The following TSPAN11 variants were observed in gnomAD, a reference collection of about 807,000 sequenced individuals.
The protein encoded by TSPAN11 is tetraspanin-11.
In TSPAN11, 29 loss-of-function variants were observed where a neutral mutation model predicts 32.9. The observed-to-expected ratio is 0.88, with a 90% CI of 0.66 to 1.20. TSPAN11 has a LOEUF of 1.20. Among genes scored for constraint, TSPAN11 ranks in the 50% most tolerant of loss-of-function variants. The pLI, the probability that TSPAN11 is intolerant of heterozygous loss-of-function variation, is 0.00. For synonymous variants in TSPAN11, 140 were observed against 141.3 expected, an observed-to-expected ratio of 0.99 and a Z score of 0.07; for missense variants, 283 against 329.1, an observed-to-expected ratio of 0.86 and a Z score of 1.08.
intron 6 of TSPAN11, 100 bp downstream of exon 6, chr12:30,982,790 C>A: frequency 6.9e-7 from 1 of 1,457,124 alleles, no homozygotes; most frequent in Non-Finnish European, 9.2e-7. Context: ...GTGGGAAAAG[C>A]AGGACACATG....
intron 2 of TSPAN11, among the ~76,000 whole-genome samples, chr12:30,955,638 C>T (rs777243375): frequency 3.7e-4 from 57 of 152,136 alleles, no homozygotes; most frequent in Non-Finnish European, 7.4e-4. Context: ...TGTCACAGGG[C>T]CAAGCTCCCT....
rs1938951421 is a variant in TSPAN11 at position 30,975,523 on chromosome 12, A to T, written c.277-3038A>T. 6.6e-6 allele frequency among the ~76,000 whole-genome samples: 1 copy of T among 151,878 alleles called. No individual in the cohort carries two copies. The highest frequency in any genetic ancestry group is 6.6e-5 in the Admixed American group (1 of 15,242). On this transcript the variant is annotated intron_variant, in intron 3 of 7. Transcript: ENST00000546076. The surrounding 1 kb of genome is among the most constrained non-coding windows in gnomAD (Gnocchi z 4.5). The stretch of plus-strand genomic sequence containing the variant: ...TGCCAAGCTCTCTCCCCTCCTCCTG[A>T]CCACTCCGCAGGTCAGATAGCCTGT...
chr12:30,929,017 A>G (rs555590870), intron 1 of TSPAN11, among the ~76,000 whole-genome samples: 2 of 152,336 alleles, frequency 1.3e-5, no homozygotes, highest in South Asian at 2.1e-4. Context: ...GGGGATGTGC[A>G]TATGTGTTTT....
At chr12:30,990,130 G>T (rs578224378) in intron 7 of TSPAN11, among the ~76,000 whole-genome samples, 1 of 144,520 alleles carries the variant, frequency 6.9e-6, no homozygotes, top group South Asian at 2.1e-4. Context: ...CTTCAGCGTG[G>T]TGTTCACGTG....
intron 3 of TSPAN11, among the ~76,000 whole-genome samples, chr12:30,970,116 GTC>G (rs1938818012): frequency 6.6e-6 from 1 of 152,238 alleles, no homozygotes; most frequent in African/African-American, 2.4e-5. Flanking sequence ...CAATGGGAAA[GTC>G]TGGGTAATTC....
At chr12:30,934,497 A>G (rs1938000984) in intron 1 of TSPAN11, among the ~76,000 whole-genome samples, 2 of 152,208 alleles carry the variant, frequency 1.3e-5, no homozygotes, top group African/African-American at 2.4e-5. Flanking sequence ...CACCCCTTCA[A>G]CAAAAGAGGT....
intron 1 of TSPAN11, among the ~76,000 whole-genome samples, chr12:30,938,334 C>A (rs759770): frequency 0.61 from 93,399 of 152,054 alleles, 29,651 homozygotes; most frequent in East Asian, 0.75. Context: ...CCCTTGGACA[C>A]CTGCCTCAAC....
downstream of TSPAN11, chr12:30,999,396 A>C (rs1802348054): frequency 6.6e-6 from 1 of 152,206 alleles, no homozygotes; most frequent in Admixed American, 6.5e-5. Flanking sequence ...AAGAAAGAAA[A>C]GTCAAAAATT....
chr12:30,978,460 G>C (rs1358526367), intron 3 of TSPAN11, 101 bp from the exon 4 acceptor site: 1 of 1,145,362 alleles, frequency 8.7e-7, no homozygotes, highest in Non-Finnish European at 1.3e-6. Flanking sequence ...GGATGATAGG[G>C]GTCCCAGCAG....
chr12:30,947,742 G>T (rs1242434266), intron 1 of TSPAN11, among the ~76,000 whole-genome samples: 3 of 152,124 alleles, frequency 2.0e-5, no homozygotes, highest in Non-Finnish European at 4.4e-5. Context: ...TTTGGGTGAG[G>T]ACACAGCCAA....
At chr12:31,005,929 G>A in the TSPAN11 span, 1 of 154,388 alleles carries the variant, frequency 6.5e-6, no homozygotes, top group Non-Finnish European at 1.4e-5. Context: ...CACAAGTTGG[G>A]GTGTCACAGC....
intron 5 of TSPAN11, among the ~76,000 whole-genome samples, chr12:30,980,349 G>C (rs1421707905): frequency 6.6e-6 from 1 of 152,172 alleles, no homozygotes; most frequent in African/African-American, 2.4e-5. Flanking sequence ...CAGTTCCTCA[G>C]TTACACCAAC....
chr12:30,987,624 G>A (rs1939225955), intron 7 of TSPAN11, among the ~76,000 whole-genome samples: 1 of 152,100 alleles, frequency 6.6e-6, no homozygotes, highest in East Asian at 1.9e-4. Context: ...AAATACCCCA[G>A]GCCTGGGCTC....
downstream of TSPAN11, among the ~76,000 whole-genome samples, chr12:31,000,113 A>C (rs1228446063): frequency 6.6e-6 from 1 of 152,248 alleles, no homozygotes; most frequent in Non-Finnish European, 1.5e-5. Context: ...CAATTGATGA[A>C]TGCTTTAAGA....
chr12:30,948,510 G>A (rs1036461727), intron 1 of TSPAN11, among the ~76,000 whole-genome samples: 3 of 152,208 alleles, frequency 2.0e-5, no homozygotes, highest in Admixed American at 6.5e-5. Context: ...CCAACACCAC[G>A]TGGAAGCTGC....
Position 30,964,031 on chromosome 12 carries a change from C to T in TSPAN11, c.276+14C>T. 1 of 1,610,590 alleles carries T rather than the reference C, an allele frequency of 6.2e-7. No individual in the cohort carries two copies. The highest frequency in any genetic ancestry group is 8.5e-7 in the Non-Finnish European group (1 of 1,178,994). On this transcript the variant is annotated intron_variant, in intron 3 of 7. Transcript: ENST00000546076. ...TGCCTCTCCACGGTCAGTGCCCGCC[C>T]TGTGCTCTGCAGGGATGGGGAGCCC...
chr12:30,976,133 T>C (rs1482209159), intron 3 of TSPAN11, among the ~76,000 whole-genome samples: 1 of 152,040 alleles, frequency 6.6e-6, no homozygotes, highest in Non-Finnish European at 1.5e-5. Context: ...GGGCCGGGCT[T>C]CTCCCAGGGG....
At chr12:30,990,137 C>T (rs55943799) in intron 7 of TSPAN11, among the ~76,000 whole-genome samples, 9,029 of 151,758 alleles carry the variant, frequency 0.059, 359 homozygotes, top group Non-Finnish European at 0.085. Flanking sequence ...GTGGTGTTCA[C>T]GTGTGTGTGT....
intron 7 of TSPAN11, among the ~76,000 whole-genome samples, chr12:30,983,776 C>T (rs1390686344): frequency 1.3e-5 from 2 of 152,150 alleles, no homozygotes; most frequent in East Asian, 1.9e-4. Flanking sequence ...GTAGCATTTA[C>T]ACTGTATGAG....
Sources: gnomAD v4.1 joint callset for allele counts (sites outside exome capture counted in the v4.1 genomes callset) on GRCh38, gnomAD v4.1.1 for gene constraint, Gnocchi (gnomAD v3.1) non-coding constraint, MANE v1.5 for transcripts, NCBI Gene and HGNC (gene_info 2026-07-23, HGNC 2026-07-21) for gene names.